Variants in HDHD2 observed in about 807,000 individuals in gnomAD.
HDHD2 encodes haloacid dehalogenase-like hydrolase domain-containing protein 2.
A neutral mutation model predicts 24.8 loss-of-function variants in HDHD2; 26 were observed. The observed-to-expected ratio is 1.05, with a 90% CI of 0.77 to 1.45. HDHD2 has a LOEUF of 1.45. Among genes scored for constraint, HDHD2 ranks in the 40% most tolerant of loss-of-function variants. HDHD2 has a pLI of 0.00. For synonymous variants in HDHD2, 128 were observed against 114.9 expected (o/e 1.11, Z -0.73); for missense variants, 299 against 313.4 (o/e 0.95, Z 0.35).
chr18:47,108,576 G>T lies in HDHD2; in HGVS notation c.*106C>A, dbSNP rs115862835. The T allele has an allele frequency of 1.2e-3, 728 of 608,074 alleles. 7 individuals are homozygous for T. Among genetic ancestry groups the T allele is most frequent in the African/African-American group, 0.012 (608 of 52,546 alleles). 37.7% of individuals were successfully genotyped at this position (608,074 alleles called of 1,614,324 possible). The stretch of plus-strand genomic sequence containing the variant: ...GCACAACAAAAGAGGGTTAAAAAGC[G>T]ATCAGCACTGACTGGTGTCTACCGA... On this transcript the variant is annotated 3_prime_UTR_variant, in exon 7 of 7. Coordinates refer to ENST00000300605, the MANE Select transcript of HDHD2 (RefSeq NM_032124.5).
In HDHD2 at chr18:47,109,027, G is replaced by C. The variant is rs576385336; in HGVS notation, c.677-242C>G. The C allele has an allele frequency of 3.2e-5, 15 of 474,388 alleles. No homozygotes were observed. The South Asian group carries it at 4.1e-4, about 13-fold the overall frequency. The allele number at this position is 474,388 out of a possible 1,614,324, so 29.4% of individuals were successfully genotyped here. ...TTCACAATGGACAGCCACAGGTACT[G>C]GATCGTCTGACAGCTAAGATTCCCT... On this transcript the variant is annotated intron_variant, in intron 6 of 6. Coordinates refer to ENST00000300605, the MANE Select transcript of HDHD2 (RefSeq NM_032124.5).
At chr18:47,136,532 T>G in intron 1 of HDHD2, 83 bp from the exon 2 acceptor site, 1 of 1,133,250 alleles carries the variant, frequency 8.8e-7, no homozygotes, top group East Asian at 2.6e-5. Flanking sequence ...AAAATATCAC[T>G]CATATCCAGA....
At chr18:47,127,530 A>G (rs1282992063) in intron 4 of HDHD2, among the ~76,000 whole-genome samples, 1 of 152,100 alleles carries the variant, frequency 6.6e-6, no homozygotes, top group Non-Finnish European at 1.5e-5. Flanking sequence ...AGTCTTGTTA[A>G]TACTAAGTTC....
intron 3 of HDHD2, 91 bp from the exon 4 acceptor site, chr18:47,130,419 C>T: frequency 3.8e-6 from 3 of 798,096 alleles, no homozygotes; most frequent in Non-Finnish European, 4.1e-6. Context: ...CAAGTGCAAA[C>T]TTTTGCTGTA....
chr18:47,139,851 T>C (rs2063804199), intron 1 of HDHD2, among the ~76,000 whole-genome samples: 1 of 152,188 alleles, frequency 6.6e-6, no homozygotes, highest in South Asian at 2.1e-4. Context: ...GTTGTGTTAG[T>C]GTGACAGCAG....
chr18:47,110,857 T>C, intron 6 of HDHD2: 1 of 985,110 alleles, frequency 1.0e-6, no homozygotes, highest in Non-Finnish European at 1.2e-6. Context: ...TGGTTAGGAC[T>C]AGTCAAAAAT....
In HDHD2 at chr18:47,108,906, C is replaced by G. The variant is rs902410607; in HGVS notation, c.677-121G>C. Reference sequence around the variant, plus strand: ...ACAGTTAAGACAGAATCAGGGGCTGCACATCTCCCAAATCACCTTTTATTG... The same window carrying G: ...ACAGTTAAGACAGAATCAGGGGCTGGACATCTCCCAAATCACCTTTTATTG... On this transcript the variant is annotated intron_variant, in intron 6 of 6. Transcript: ENST00000300605. 3 of 615,530 alleles carry G rather than the reference C, an allele frequency of 4.9e-6. No homozygotes were observed. In the African/African-American group the frequency reaches 5.7e-5, roughly 12 times the overall value. 38.1% of individuals were successfully genotyped at this position (615,530 alleles called of 1,614,324 possible).
chr18:47,141,500 C>T (rs2668762), intron 1 of HDHD2, among the ~76,000 whole-genome samples: 102,237 of 152,106 alleles, frequency 0.67, 35,474 homozygotes, highest in African/African-American at 0.86. Flanking sequence ...CTTCTAAAAA[C>T]AGGAGTGTCC....
intron 6 of HDHD2, chr18:47,110,897 G>A (rs756149770): frequency 1.7e-4 from 164 of 983,696 alleles, no homozygotes; most frequent in Non-Finnish European, 1.9e-4. Context: ...AAATTATATT[G>A]AGCATCTACC....
At chr18:47,116,522 T>C (rs2063558994) in intron 4 of HDHD2, among the ~76,000 whole-genome samples, 1 of 152,198 alleles carries the variant, frequency 6.6e-6, no homozygotes, top group South Asian at 2.1e-4. Flanking sequence ...ACCAATACTA[T>C]TACAGGGCCT....
chr18:47,112,401 T>G (rs1478286562), intron 6 of HDHD2, among the ~76,000 whole-genome samples: 1 of 152,130 alleles, frequency 6.6e-6, no homozygotes, highest in Non-Finnish European at 1.5e-5. Context: ...ACTGTATTAG[T>G]GAATCCTCCC....
At chr18:47,120,188 A>G (rs572915188) in intron 4 of HDHD2, among the ~76,000 whole-genome samples, 3 of 152,308 alleles carry the variant, frequency 2.0e-5, no homozygotes, top group Non-Finnish European at 4.4e-5. Context: ...TCTAGCAATG[A>G]AAGTCCTAGG....
At chr18:47,144,047 C>G (rs376075897) in intron 1 of HDHD2, among the ~76,000 whole-genome samples, 1 of 151,816 alleles carries the variant, frequency 6.6e-6, no homozygotes, top group African/African-American at 2.4e-5. Flanking sequence ...CCTAACAATA[C>G]TAGATAAAAA....
At chr18:47,116,726 T>C (rs918329381) in intron 4 of HDHD2, among the ~76,000 whole-genome samples, 1 of 152,190 alleles carries the variant, frequency 6.6e-6, no homozygotes, top group African/African-American at 2.4e-5. Context: ...TATCTATCTC[T>C]TCTCCTGTCA....
At chr18:47,133,242 AGTGTTTGGTTTTCTG>A (rs1366191432) in intron 3 of HDHD2, among the ~76,000 whole-genome samples, 1 of 150,766 alleles carries the variant, frequency 6.6e-6, no homozygotes, top group African/African-American at 2.4e-5. Context: ...GAGAACATGC[AGTGTTTGGTTTTCTG>A]TCCTTGCAAT....
intron 6 of HDHD2, among the ~76,000 whole-genome samples, 167 bp downstream of exon 6, chr18:47,112,810 G>A (rs1238089533): frequency 6.6e-6 from 1 of 152,158 alleles, no homozygotes; most frequent in Non-Finnish European, 1.5e-5. Context: ...TACAGCACGG[G>A]CCCTTCCCAA....
chr18:47,131,490 C>T lies in HDHD2; in HGVS notation c.311-1162G>A, dbSNP rs188101207. On this transcript the variant is annotated intron_variant, in intron 3 of 6. Transcript: ENST00000300605. The stretch of plus-strand genomic sequence containing the variant: ...CCAGATCTGAAATCAGTAATTTCTC[C>T]AAAGAACTACAGTGGGAATTGACAG... Among the ~76,000 whole-genome samples, 1,274 of 152,212 alleles carry T rather than the reference C, an allele frequency of 8.4e-3. 10 individuals are homozygous for T. The highest frequency in any genetic ancestry group is 0.014 in the Non-Finnish European group (977 of 68,020).
Position 47,108,612 on chromosome 18 carries a change from G to C in HDHD2, c.*70C>G. ...ACTGGTGTCTACCGATGCTGGCACTGAGTTGGTAAGGGATTCATTCCAGAC... is the reference window on the plus strand; with the variant it reads ...ACTGGTGTCTACCGATGCTGGCACTCAGTTGGTAAGGGATTCATTCCAGAC... On this transcript the variant is annotated 3_prime_UTR_variant, in exon 7 of 7. Transcript: ENST00000300605. The C allele has an allele frequency of 1.2e-6, 1 of 803,824 alleles. No homozygotes were observed. Among genetic ancestry groups the C allele is most frequent in the Non-Finnish European group, 2.1e-6 (1 of 476,646 alleles). The allele number at this position is 803,824 out of a possible 1,614,324, so 49.8% of individuals were successfully genotyped here.
chr18:47,112,798 T>G (rs1205820152), intron 6 of HDHD2, among the ~76,000 whole-genome samples, 179 bp downstream of exon 6: 1 of 152,190 alleles, frequency 6.6e-6, no homozygotes, highest in African/African-American at 2.4e-5. Context: ...TTCCTAGCTT[T>G]GTACAGCACG....
Sources: gnomAD v4.1 joint callset for allele counts (sites outside exome capture counted in the v4.1 genomes callset) on GRCh38, gnomAD v4.1.1 for gene constraint, MANE v1.5 for transcripts, NCBI Gene and HGNC (gene_info 2026-07-23, HGNC 2026-07-21) for gene names.